Variants in PIAS1 observed in about 807,000 individuals in gnomAD.
The protein encoded by PIAS1 is E3 SUMO-protein ligase PIAS1.
In PIAS1, 6 loss-of-function variants were observed where a neutral mutation model predicts 71.3. That is an observed-to-expected ratio of 0.08 (90% CI 0.05 to 0.17). The LOEUF (loss-of-function observed/expected upper bound fraction) is 0.17. Ranked by LOEUF, PIAS1 falls within the 10% of genes least tolerant of loss-of-function variation. The pLI, the probability that PIAS1 is intolerant of heterozygous loss-of-function variation, is 1.00. For missense variants in PIAS1, 555 were observed against 793.6 expected (o/e 0.70, Z 3.61); for synonymous variants, 303 against 292.9 (o/e 1.03, Z -0.35).
At chr15:68,169,304 T>G (rs2092975829) in intron 8 of PIAS1, among the ~76,000 whole-genome samples, 1 of 152,246 alleles carries the variant, frequency 6.6e-6, no homozygotes, top group South Asian at 2.1e-4. Flanking sequence ...CATGGTATCT[T>G]GCCTAATGGT....
intron 2 of PIAS1, among the ~76,000 whole-genome samples, chr15:68,097,658 C>T (rs1375281859): frequency 1.3e-5 from 2 of 152,162 alleles, no homozygotes; most frequent in Non-Finnish European, 2.9e-5. Context: ...GTGTCGAACT[C>T]CTGAGCTCAG....
chr15:68,164,818 A>G lies in PIAS1; in HGVS notation c.1008+14A>G. ...CTACTATGTCCAGTAAGTGTTAACT[A>G]TTACTTGCTTTCCAGAAAGTTTAAC... On this transcript the variant is annotated intron_variant, in intron 8 of 13. Transcript: ENST00000249636. 7.0e-7 allele frequency: 1 copy of G among 1,428,122 alleles called. No individual in the cohort carries two copies. The highest frequency in any genetic ancestry group is 9.7e-7 in the Non-Finnish European group (1 of 1,032,552). 88.5% of individuals were successfully genotyped at this position (1,428,122 alleles called of 1,614,324 possible).
At chr15:68,068,494 C>A (rs559786365) in intron 1 of PIAS1, among the ~76,000 whole-genome samples, 2 of 152,180 alleles carry the variant, frequency 1.3e-5, no homozygotes, top group East Asian at 3.9e-4. Flanking sequence ...CTCCTGTCAC[C>A]CAGGTTGGAG....
chr15:68,138,675 A>G (rs920079387), intron 2 of PIAS1, among the ~76,000 whole-genome samples: 3 of 152,090 alleles, frequency 2.0e-5, no homozygotes, highest in Non-Finnish European at 4.4e-5. Flanking sequence ...GGGTTTCACC[A>G]TGTTGGCCTG....
chr15:68,131,276 T>C (rs1286085735), intron 2 of PIAS1, among the ~76,000 whole-genome samples: 1 of 152,182 alleles, frequency 6.6e-6, no homozygotes, highest in Non-Finnish European at 1.5e-5. Context: ...ATTATAGATG[T>C]ATATATTTAT....
chr15:68,102,061 T>C (rs2092431801), intron 2 of PIAS1, among the ~76,000 whole-genome samples: 1 of 151,728 alleles, frequency 6.6e-6, no homozygotes, highest in African/African-American at 2.4e-5. Context: ...CTGCCTGACT[T>C]TAGATTTGGA....
chr15:68,128,077 T>G (rs562407280), intron 2 of PIAS1, among the ~76,000 whole-genome samples: 1 of 152,274 alleles, frequency 6.6e-6, no homozygotes, highest in Admixed American at 6.5e-5. Context: ...TTTCTCCCTT[T>G]AGATCTTTTG....
Position 68,171,832 on chromosome 15 carries a change from G to A in PIAS1, c.1009-1900G>A, listed in dbSNP as rs1473884014. ...GGAAATTTCACATTTCCCTGAAATT[G>A]ATCTAAGTAAGCCAAGAATCTTTTC... On this transcript the variant is annotated intron_variant, in intron 8 of 13. Transcript: ENST00000249636. This position sits in a 1 kb window ranked among gnomAD's most constrained non-coding sequence, Gnocchi z 4.4. Among the ~76,000 whole-genome samples the A allele has an allele frequency of 2.6e-5, 4 of 152,112 alleles. No individual in the cohort carries two copies. Among genetic ancestry groups the A allele is most frequent in the African/African-American group, 9.6e-5 (4 of 41,502 alleles).
At chr15:68,118,343 TA>T (rs1374543240) in intron 2 of PIAS1, among the ~76,000 whole-genome samples, 2 of 150,624 alleles carry the variant, frequency 1.3e-5, no homozygotes, top group African/African-American at 4.9e-5. Flanking sequence ...AAAATAATAA[TA>T]AATAAATAAA....
chr15:68,104,483 C>T (rs1432505827), intron 2 of PIAS1, among the ~76,000 whole-genome samples: 1 of 152,130 alleles, frequency 6.6e-6, no homozygotes, highest in Non-Finnish European at 1.5e-5. Flanking sequence ...TTCTCCTCTT[C>T]ACTAATTTAT....
At chr15:68,056,291 A>G (rs552684386) in intron 1 of PIAS1, among the ~76,000 whole-genome samples, 1 of 152,382 alleles carries the variant, frequency 6.6e-6, no homozygotes, top group South Asian at 2.1e-4. Flanking sequence ...AGAAACTAGT[A>G]TGGAAAGCAC....
rs1039616501 is a variant in PIAS1 at position 68,173,158 on chromosome 15, T to TG, written c.1009-572dup. On this transcript the variant is annotated intron_variant, in intron 8 of 13. Transcript: ENST00000249636. This position sits in a 1 kb window ranked among gnomAD's most constrained non-coding sequence, Gnocchi z 4.3. Reference sequence around the variant, plus strand: ...TTATTTTCCCTAATCCCTAGTAAGGTGGTTCTTAAATTTTTTTTGGATCAA... The same window carrying TG: ...TTATTTTCCCTAATCCCTAGTAAGGTGGGTTCTTAAATTTTTTTTGGATCAA... Among the ~76,000 whole-genome samples, 8 of 152,288 alleles carry TG rather than the reference T, an allele frequency of 5.3e-5. No individual in the cohort carries two copies. The highest frequency in any genetic ancestry group is 1.9e-4 in the African/African-American group (8 of 41,562).
intron 1 of PIAS1, among the ~76,000 whole-genome samples, chr15:68,061,740 A>G (rs1422712289): frequency 6.6e-6 from 1 of 152,208 alleles, no homozygotes; most frequent in African/African-American, 2.4e-5. Flanking sequence ...ACTCCTATCT[A>G]TAAAAACTTT....
intron 1 of PIAS1, among the ~76,000 whole-genome samples, chr15:68,078,618 G>A (rs574413396): frequency 1.3e-5 from 2 of 152,170 alleles, no homozygotes; most frequent in African/African-American, 4.8e-5. Context: ...ATAAGACATT[G>A]TATTAGTTAT....
chr15:68,169,546 G>C (rs181074077), intron 8 of PIAS1, among the ~76,000 whole-genome samples: 1 of 152,172 alleles, frequency 6.6e-6, no homozygotes, highest in African/African-American at 2.4e-5. Flanking sequence ...GGTGGCACCT[G>C]CCTGTAATCC....
rs780955081 is a variant in PIAS1 at position 68,141,942 on chromosome 15, T to G, written c.470-4T>G. 2.5e-6 allele frequency: 4 copies of G among 1,586,608 alleles called. No individual in the cohort carries two copies. In the East Asian group the frequency reaches 9.0e-5, roughly 36 times the overall value. Reference sequence around the variant, plus strand: ...ATTGAAAGTATAATTCTTGTCTTCTTTAGCATCAGACAACAGTCAGCGCTT... The same window carrying G: ...ATTGAAAGTATAATTCTTGTCTTCTGTAGCATCAGACAACAGTCAGCGCTT... On this transcript the variant is annotated splice_region_variant and splice_polypyrimidine_tract_variant and intron_variant, in intron 2 of 13. Coordinates refer to ENST00000249636, the MANE Select transcript of PIAS1 (RefSeq NM_016166.3).
At chr15:68,069,264 G>A (rs1349134789) in intron 1 of PIAS1, among the ~76,000 whole-genome samples, 2 of 151,966 alleles carry the variant, frequency 1.3e-5, no homozygotes, top group African/African-American at 4.8e-5. Context: ...TCCTTTACTG[G>A]GCTTATAATA....
rs146500598 is a variant in PIAS1, at chr15:68,108,976, A to G, written c.469+22226A>G. Among the ~76,000 whole-genome samples the G allele has an allele frequency of 2.9e-4, 44 of 152,250 alleles. 1 individual carries two copies. The East Asian group carries it at 3.3e-3, about 11-fold the overall frequency. ...TTCTGAATTTAGTAGCCAGAGTGATACTTTTAAATAAAAGCTAATCATGTT... is the reference window on the plus strand; with the variant it reads ...TTCTGAATTTAGTAGCCAGAGTGATGCTTTTAAATAAAAGCTAATCATGTT... On this transcript the variant is annotated intron_variant, in intron 2 of 13. Coordinates refer to ENST00000249636, the MANE Select transcript of PIAS1 (RefSeq NM_016166.3).
intron 1 of PIAS1, among the ~76,000 whole-genome samples, chr15:68,080,109 G>A (rs2092214230): frequency 6.6e-6 from 1 of 152,188 alleles, no homozygotes; most frequent in Admixed American, 6.5e-5. Flanking sequence ...TGGGATTACA[G>A]GCCTGAGCCA....
Sources: gnomAD v4.1 joint callset for allele counts (sites outside exome capture counted in the v4.1 genomes callset) on GRCh38, gnomAD v4.1.1 for gene constraint, Gnocchi (gnomAD v3.1) non-coding constraint, MANE v1.5 for transcripts, NCBI Gene and HGNC (gene_info 2026-07-23, HGNC 2026-07-21) for gene names.